CACNA2D3: variants seen among roughly 807,000 people sequenced by gnomAD.
CACNA2D3 encodes the protein voltage-dependent calcium channel subunit alpha-2/delta-3.
In CACNA2D3, 60 loss-of-function variants were observed where a neutral mutation model predicts 160.6. The ratio of observed to expected loss-of-function variants is 0.37; its 90% CI spans 0.30 to 0.46. CACNA2D3 has a LOEUF of 0.46. CACNA2D3 is among the 20% of genes least tolerant of loss of function. The pLI is 1.00. For synonymous variants in CACNA2D3, 558 were observed against 492.9 expected, an observed-to-expected ratio of 1.13 and a Z score of -1.75; for missense variants, 1,205 against 1,365.0, an observed-to-expected ratio of 0.88 and a Z score of 1.85.
chr3:54,744,558 A>C (rs935257357), intron 11 of CACNA2D3, among the ~76,000 whole-genome samples: 7 of 152,190 alleles, frequency 4.6e-5, no homozygotes, highest in African/African-American at 1.7e-4. Flanking sequence ...TTATAGCTCT[A>C]GTGTTCCTGA....
At chr3:54,891,494 A>C in intron 25 of CACNA2D3, 44 bp downstream of exon 25, 1 of 1,378,324 alleles carries the variant, frequency 7.3e-7, no homozygotes, top group South Asian at 1.2e-5. Flanking sequence ...GAGCTTCTGA[A>C]ATGGAACATT....
intron 9 of CACNA2D3, among the ~76,000 whole-genome samples, chr3:54,591,373 C>G (rs917684165): frequency 6.6e-6 from 1 of 152,092 alleles, no homozygotes. Context: ...GCAGCCTAGT[C>G]AGCAGCCTGG....
chr3:54,691,088 T>G (rs1444779795), intron 11 of CACNA2D3, among the ~76,000 whole-genome samples: 1 of 152,170 alleles, frequency 6.6e-6, no homozygotes, highest in Non-Finnish European at 1.5e-5. Context: ...AGCTGTCTAC[T>G]CTAATGGGGT....
intron 9 of CACNA2D3, among the ~76,000 whole-genome samples, chr3:54,625,146 C>T (rs1699069355): frequency 6.6e-6 from 1 of 152,176 alleles, no homozygotes; most frequent in Non-Finnish European, 1.5e-5. Context: ...TCCTCTCCCC[C>T]ATCACTCAAG....
intron 4 of CACNA2D3, among the ~76,000 whole-genome samples, chr3:54,502,625 A>T (rs570621640): frequency 4.6e-5 from 7 of 152,220 alleles, no homozygotes; most frequent in Non-Finnish European, 1.0e-4. Context: ...CATCTGATAC[A>T]GTAGATTTAA....
intron 29 of CACNA2D3, among the ~76,000 whole-genome samples, chr3:54,984,099 G>A (rs1160208695): frequency 6.6e-6 from 1 of 152,102 alleles, no homozygotes; most frequent in Non-Finnish European, 1.5e-5. Flanking sequence ...CTTCCCCCCT[G>A]CCTCAGTCTA....
intron 14 of CACNA2D3, among the ~76,000 whole-genome samples, chr3:54,836,373 T>C (rs1698687762): frequency 6.6e-6 from 1 of 152,044 alleles, no homozygotes; most frequent in Non-Finnish European, 1.5e-5. Context: ...TAGCTGGGAC[T>C]ACAGGCACCT....
intron 2 of CACNA2D3, among the ~76,000 whole-genome samples, chr3:54,254,407 C>G (rs1055866466): frequency 6.6e-6 from 1 of 152,148 alleles, no homozygotes; most frequent in African/African-American, 2.4e-5. Flanking sequence ...TAAATTGTTT[C>G]TTTTTAAAAC....
At chr3:54,552,984 A>C (rs1227826779) in intron 5 of CACNA2D3, among the ~76,000 whole-genome samples, 1 of 152,210 alleles carries the variant, frequency 6.6e-6, no homozygotes, top group Non-Finnish European at 1.5e-5. Flanking sequence ...CAACAGGCTG[A>C]GGGAGACTAG....
chr3:54,660,361 C>T (rs1416689523), intron 11 of CACNA2D3, among the ~76,000 whole-genome samples: 3 of 152,106 alleles, frequency 2.0e-5, no homozygotes, highest in South Asian at 4.2e-4. Flanking sequence ...GGGGTTTCAC[C>T]GTATTAGCCA....
At chr3:54,333,578 G>T (rs1704314256) in intron 3 of CACNA2D3, among the ~76,000 whole-genome samples, 1 of 151,984 alleles carries the variant, frequency 6.6e-6, no homozygotes, top group South Asian at 2.1e-4. Flanking sequence ...CTGGAGACTG[G>T]AGAGCACAAA....
chr3:54,264,251 C>T (rs1003225420), intron 2 of CACNA2D3, among the ~76,000 whole-genome samples: 9 of 152,152 alleles, frequency 5.9e-5, no homozygotes, highest in African/African-American at 2.2e-4. Flanking sequence ...CCTTGTATCA[C>T]TTCTGTGGGC....
intron 4 of CACNA2D3, among the ~76,000 whole-genome samples, chr3:54,461,367 G>A (rs951404407): frequency 6.6e-6 from 1 of 150,984 alleles, no homozygotes. Flanking sequence ...GTTCCTCCTT[G>A]TACCTCTGGT....
chr3:54,160,557 G>A (rs565628408), intron 2 of CACNA2D3, among the ~76,000 whole-genome samples: 2 of 152,308 alleles, frequency 1.3e-5, no homozygotes, highest in African/African-American at 4.8e-5. Flanking sequence ...ATCAGTCAGA[G>A]CCCCAGCTCT....
At chr3:54,139,952 A>G (rs768504619) in intron 2 of CACNA2D3, among the ~76,000 whole-genome samples, 3 of 152,176 alleles carry the variant, frequency 2.0e-5, no homozygotes, top group Non-Finnish European at 4.4e-5. Context: ...GGTTCCTGAA[A>G]CCGGAAGCTG....
intron 34 of CACNA2D3, among the ~76,000 whole-genome samples, chr3:55,014,801 T>A (rs1285950861): frequency 3.9e-5 from 6 of 152,144 alleles, no homozygotes; most frequent in African/African-American, 1.4e-4. Context: ...GGTTTGAAAT[T>A]CCATAGATAA....
intron 17 of CACNA2D3, among the ~76,000 whole-genome samples, chr3:54,864,220 G>A (rs1388462765): frequency 6.6e-6 from 1 of 152,002 alleles, no homozygotes; most frequent in Non-Finnish European, 1.5e-5. Flanking sequence ...ATTGTAAGTT[G>A]GGCATCAGCA....
In CACNA2D3 at chr3:54,408,072, C is replaced by G. The variant is rs200615541; in HGVS notation, c.381+21298C>G. 1.2e-4 allele frequency among the ~76,000 whole-genome samples: 18 copies of G among 152,124 alleles called. No individual in the cohort carries two copies. In the East Asian group the frequency reaches 3.3e-3, roughly 28 times the overall value. On this transcript the variant is annotated intron_variant, in intron 4 of 37. Transcript: ENST00000474759. ...TCTTTCTTCTCCTAGAACTTACTGT[C>G]TAATGGGAGGGACAGATATTAAAGA... is the stretch of plus-strand genomic sequence containing the variant.
intron 4 of CACNA2D3, among the ~76,000 whole-genome samples, chr3:54,437,549 G>A (rs1419532153): frequency 1.3e-5 from 2 of 152,184 alleles, no homozygotes; most frequent in South Asian, 2.1e-4. Context: ...AGACTCAGAT[G>A]CATTCCTGCA....
Sources: gnomAD v4.1 joint callset for allele counts (sites outside exome capture counted in the v4.1 genomes callset) on GRCh38, gnomAD v4.1.1 for gene constraint, MANE v1.5 for transcripts, NCBI Gene and HGNC (gene_info 2026-07-23, HGNC 2026-07-21) for gene names.